The following MAFB variants were observed in gnomAD, a reference collection of about 807,000 sequenced individuals.
The protein encoded by MAFB is MAF bZIP transcription factor B.
MAFB carries 3 observed loss-of-function variants against 17.7 expected under a neutral mutation model. The observed-to-expected ratio is 0.17, with a 90% confidence interval of 0.08 to 0.44. MAFB has a LOEUF of 0.44. MAFB is among the 20% of genes least tolerant of loss of function. MAFB has a pLI of 0.99. For missense variants in MAFB, 355 were observed against 461.3 expected (o/e 0.77, Z 2.11); for synonymous variants, 214 against 211.5 (o/e 1.01, Z -0.10).
Position 40,688,934 on chromosome 20 carries a change from G to C in MAFB, c.-84C>G. 6.8e-7 allele frequency: 1 copy of C among 1,479,178 alleles called. No individual in the cohort carries two copies. The highest frequency in any genetic ancestry group is 8.9e-7 in the Non-Finnish European group (1 of 1,122,800). The allele number at this position is 1,479,178 out of a possible 1,614,324, so 91.6% of individuals were successfully genotyped here. On this transcript the variant is annotated 5_prime_UTR_variant, in exon 1 of 1. Coordinates refer to ENST00000373313, the MANE Select transcript of MAFB (RefSeq NM_005461.5). ...GCGCCGAGCCAAGCGCGGGGGGGAA[G>C]AGCGGAGAAGAGCTGGGGAGGCGGG... is the stretch of plus-strand genomic sequence containing the variant.
In MAFB at chr20:40,688,622, C is replaced by T. The variant is rs1268494486; in HGVS notation, c.229G>A (p.Glu77Lys). 1 of 1,613,958 alleles carries T rather than the reference C, an allele frequency of 6.2e-7. No individual in the cohort carries two copies. Among genetic ancestry groups the T allele is most frequent in the African/African-American group, 1.3e-5 (1 of 74,926 alleles). Residue 77 changes from glutamate (E) to lysine (K), a missense_variant, in exon 1 of 1, where the codon GAA becomes AAA. By Grantham distance (56) the Glu-to-Lys change is moderately conservative. This residue lies in a region of MAFB where 285 missense variants were observed against 350.0 expected (regional missense o/e 0.81). Coordinates refer to ENST00000373313, the MANE Select transcript of MAFB (RefSeq NM_005461.5). ...VPSSPSFSPT[E>K]QKTHLEDLYW... is the part of the protein sequence containing the mutation. ...AGATCCTCGAGGTGTGTCTTCTGTT[C>T]GGTCGGGCTGAAGCTGGGCGACGAG...
rs1986844558 is a variant in MAFB at position 40,686,999 on chromosome 20, CCAAA to C, written c.*876_*879del. 2 of 398,382 alleles carry C rather than the reference CCAAA, an allele frequency of 5.0e-6. No homozygotes were observed. Among genetic ancestry groups the C allele is most frequent in the East Asian group, 3.6e-5 (1 of 28,058 alleles). 24.7% of individuals were successfully genotyped at this position (398,382 alleles called of 1,614,324 possible). ...AAACAAAAATACCGTAATAATAAAC[CCAAA>C]CAAAGACCCTCAGCTTGCTGCCACG... On this transcript the variant is annotated 3_prime_UTR_variant, in exon 1 of 1. Coordinates refer to ENST00000373313, the MANE Select transcript of MAFB (RefSeq NM_005461.5).
chr20:40,688,665 A>C lies in MAFB; in HGVS notation c.186T>G (p.Thr62=). The C allele has an allele frequency of 6.2e-7, 1 of 1,613,800 alleles. No individual in the cohort carries two copies. Among genetic ancestry groups the C allele is most frequent in the Non-Finnish European group, 8.5e-7 (1 of 1,179,844 alleles). ...GCGACGAGGGCACGGAGCTACACGG[A>C]GTGCTGAGCGGTGTGGAGGACACCG... ...AGSVSSTPLS[T]PCSSVPSSPS... The change falls in exon 1 of 1, where the codon ACT becomes ACG. Residue 62 remains threonine, a synonymous_variant. Transcript: ENST00000373313.
rs1986833583 is a variant in MAFB at position 40,686,611 on chromosome 20, G to C, written c.*1268C>G. 1 of 397,868 alleles carries C rather than the reference G, an allele frequency of 2.5e-6. No homozygotes were observed. Among genetic ancestry groups the C allele is most frequent in the East Asian group, 3.6e-5 (1 of 28,078 alleles). 24.6% of individuals were successfully genotyped at this position (397,868 alleles called of 1,614,324 possible). ...AATTAGCGCAGGCCCAGAGGGTTCA[G>C]AAGGGACCTCAGGGTGATTCTGGTT... On this transcript the variant is annotated 3_prime_UTR_variant, in exon 1 of 1. Coordinates refer to ENST00000373313, the MANE Select transcript of MAFB (RefSeq NM_005461.5).
At position 40,686,761 on chromosome 20, in the gene MAFB, T is replaced by TCCCTG. The variant is rs541630703; in HGVS notation, c.*1113_*1117dup. On this transcript the variant is annotated 3_prime_UTR_variant, in exon 1 of 1. Coordinates refer to ENST00000373313, the MANE Select transcript of MAFB (RefSeq NM_005461.5). ...CTCTGGGGTGCGGAGCTTGGCAGCT[T>TCCCTG]CCCTGCCCTGCCCTGCCCTTGTACT... 27 of 398,616 alleles carry TCCCTG rather than the reference T, an allele frequency of 6.8e-5. No homozygotes were observed. The highest frequency in any genetic ancestry group is 2.5e-4 in the South Asian group (2 of 7,854). The allele number at this position is 398,616 out of a possible 1,614,324, so 24.7% of individuals were successfully genotyped here. A position where few individuals can be genotyped will look rare whatever the true frequency, so the allele number is the denominator to read the frequency against.
Position 40,688,035 on chromosome 20 carries a change from C to T in MAFB, c.816G>A (p.Gln272=), listed in dbSNP as rs1341823096. ...TAAGCTGCTCCACCTGCTGAATGAG[C>T]TGCGTCTTCTCATTCTCCAGGTGGT... ...QKHHLENEKT[Q]LIQQVEQLKQ... Residue 272 remains glutamine, a synonymous_variant, in exon 1 of 1, where the codon CAG becomes CAA. Transcript: ENST00000373313. 1.2e-6 allele frequency: 2 copies of T among 1,614,214 alleles called. No homozygotes were observed. Among genetic ancestry groups the T allele is most frequent in the South Asian group, 1.1e-5 (1 of 91,092 alleles).
rs1349779029 is a variant in MAFB, at chr20:40,687,755, GC to G, written c.*123del. 11 of 1,246,006 alleles carry G rather than the reference GC, an allele frequency of 8.8e-6. No homozygotes were observed. The African/African-American group carries it at 1.4e-4, about 15-fold the overall frequency. The allele number at this position is 1,246,006 out of a possible 1,614,324, so 77.2% of individuals were successfully genotyped here. ...GGCCCGCGCGCCCTTCCTCCCTCTC[GC>G]TCAAGTCAAACAGGTCAAGGCTGGG... On this transcript the variant is annotated 3_prime_UTR_variant, in exon 1 of 1. Coordinates refer to ENST00000373313, the MANE Select transcript of MAFB (RefSeq NM_005461.5).
chr20:40,689,119 C>G lies in MAFB; in HGVS notation c.-269G>C, dbSNP rs1986918651. ...GAGTCGGGCGGGGTGGAGAGGCAAG[C>G]GGAGCGCGCGGTGGGGCTGAGGGGA... On this transcript the variant is annotated 5_prime_UTR_variant, in exon 1 of 1. Coordinates refer to ENST00000373313, the MANE Select transcript of MAFB (RefSeq NM_005461.5). 2 of 431,688 alleles carry G rather than the reference C, an allele frequency of 4.6e-6. No homozygotes were observed. Among genetic ancestry groups the G allele is most frequent in the Non-Finnish European group, 8.0e-6 (2 of 249,140 alleles). 26.7% of individuals were successfully genotyped at this position (431,688 alleles called of 1,614,324 possible).
In MAFB at chr20:40,687,472, G is replaced by A. The variant is rs557687496; in HGVS notation, c.*407C>T. ...TTCCTCGTTGCTCTCTTCCTGGCGC[G>A]GACTACTCTCCGGGCAGCAAAGCAG... On this transcript the variant is annotated 3_prime_UTR_variant, in exon 1 of 1. Coordinates refer to ENST00000373313, the MANE Select transcript of MAFB (RefSeq NM_005461.5). 74 of 358,288 alleles carry A rather than the reference G, an allele frequency of 2.1e-4. No homozygotes were observed. The highest frequency in any genetic ancestry group is 3.4e-4 in the Non-Finnish European group (68 of 201,028). The allele number at this position is 358,288 out of a possible 1,614,324, so 22.2% of individuals were successfully genotyped here. A position where few individuals can be genotyped will look rare whatever the true frequency, so the allele number is the denominator to read the frequency against.
In MAFB at chr20:40,686,767, C is replaced by A; in HGVS notation, c.*1112G>T. The A allele has an allele frequency of 2.5e-6, 1 of 398,704 alleles. No individual in the cohort carries two copies. The highest frequency in any genetic ancestry group is 4.4e-6 in the Non-Finnish European group (1 of 226,106). The allele number at this position is 398,704 out of a possible 1,614,324, so 24.7% of individuals were successfully genotyped here. A position where few individuals can be genotyped will look rare whatever the true frequency, so the allele number is the denominator to read the frequency against. On this transcript the variant is annotated 3_prime_UTR_variant, in exon 1 of 1. Transcript: ENST00000373313. ...GGTGCGGAGCTTGGCAGCTTCCCTG[C>A]CCTGCCCTGCCCTTGTACTGGGACC...
At position 40,687,612 on chromosome 20, in the gene MAFB, C is replaced by T. The variant is rs1435922902; in HGVS notation, c.*267G>A. ...GCCTGGAGAGAAGTTACTCCGGGAC[C>T]TCCCACCCTCTCGTCTCTCTCTCCG... On this transcript the variant is annotated 3_prime_UTR_variant, in exon 1 of 1. Coordinates refer to ENST00000373313, the MANE Select transcript of MAFB (RefSeq NM_005461.5). 1.7e-6 allele frequency: 1 copy of T among 577,538 alleles called. No individual in the cohort carries two copies. Among genetic ancestry groups the T allele is most frequent in the Non-Finnish European group, 3.1e-6 (1 of 325,234 alleles). The allele number at this position is 577,538 out of a possible 1,614,324, so 35.8% of individuals were successfully genotyped here. A position where few individuals can be genotyped will look rare whatever the true frequency, so the allele number is the denominator to read the frequency against.
At position 40,688,226 on chromosome 20, in the gene MAFB, C is replaced by T; in HGVS notation, c.625G>A (p.Asp209Asn). The T allele has an allele frequency of 3.2e-6, 5 of 1,576,286 alleles. No individual in the cohort carries two copies. Among genetic ancestry groups the T allele is most frequent in the South Asian group, 1.1e-5 (1 of 88,180 alleles). ...ACGAGCTGGTCGTCGGAGAAGCGGT[C>T]CTCCACGCTGCCGTTGCCGCCCGCC... ...TAAGGNGSVE[D>N]RFSDDQLVSM... Residue 209 changes from aspartate to asparagine, a missense_variant, in exon 1 of 1, where the codon GAC becomes AAC. Transcript: ENST00000373313.
Position 40,688,949 on chromosome 20 carries a change from G to A in MAFB, c.-99C>T. On this transcript the variant is annotated 5_prime_UTR_variant, in exon 1 of 1. Transcript: ENST00000373313. The stretch of plus-strand genomic sequence containing the variant: ...CGGGGGGGAAGAGCGGAGAAGAGCT[G>A]GGGAGGCGGGGAGCGAGGGCGCAGC... The A allele has an allele frequency of 7.1e-7, 1 of 1,408,874 alleles. No individual in the cohort carries two copies. Among genetic ancestry groups the A allele is most frequent in the Non-Finnish European group, 9.2e-7 (1 of 1,084,798 alleles). 87.3% of individuals were successfully genotyped at this position (1,408,874 alleles called of 1,614,324 possible). A position where few individuals can be genotyped will look rare whatever the true frequency, so the allele number is the denominator to read the frequency against.
chr20:40,686,575 G>T lies in MAFB; in HGVS notation c.*1304C>A. 2.5e-6 allele frequency: 1 copy of T among 397,592 alleles called. No homozygotes were observed. Among genetic ancestry groups the T allele is most frequent in the East Asian group, 3.6e-5 (1 of 28,078 alleles). 24.6% of individuals were successfully genotyped at this position (397,592 alleles called of 1,614,324 possible). On this transcript the variant is annotated 3_prime_UTR_variant, in exon 1 of 1. Transcript: ENST00000373313. ...CTAAGCCTCTCACCCTAGGAGCGCTGTGGCTCCTACAATTAGCGCAGGCCC... is the reference window on the plus strand; with the variant it reads ...CTAAGCCTCTCACCCTAGGAGCGCTTTGGCTCCTACAATTAGCGCAGGCCC...
At position 40,687,849 on chromosome 20, in the gene MAFB, G is replaced by C. The variant is rs780982442; in HGVS notation, c.*30C>G. The C allele has an allele frequency of 1.9e-6, 3 of 1,598,940 alleles. No individual in the cohort carries two copies. The highest frequency in any genetic ancestry group is 2.5e-6 in the Non-Finnish European group (3 of 1,176,798). On this transcript the variant is annotated 3_prime_UTR_variant, in exon 1 of 1. Transcript: ENST00000373313. ...CGTGGGACAGGGAGTCCGGGCCGGG[G>C]CAAGGGCGGGGGCCAGGACCGGCCA... is the stretch of plus-strand genomic sequence containing the variant.
Position 40,688,539 on chromosome 20 carries a change from G to A in MAFB, c.312C>T (p.Pro104=), listed in dbSNP as rs1170959107. ...CGATGAGCGCTTCCACCGCGTCCTC[G>A]GGCGTCAGGTTGAGCGCCTCGGGGT... ...QMNPEALNLT[P]EDAVEALIGS... The change falls in exon 1 of 1, where the codon CCC becomes CCT. Residue 104 remains proline, a synonymous_variant. Coordinates refer to ENST00000373313, the MANE Select transcript of MAFB (RefSeq NM_005461.5). 1 of 1,613,968 alleles carries A rather than the reference G, an allele frequency of 6.2e-7. No homozygotes were observed. Among genetic ancestry groups the A allele is most frequent in the South Asian group, 1.1e-5 (1 of 91,090 alleles).
chr20:40,688,956 C>CG lies in MAFB; in HGVS notation c.-107dup, dbSNP rs1240986222. 2.9e-6 allele frequency: 4 copies of CG among 1,396,396 alleles called. No individual in the cohort carries two copies. In the African/African-American group the frequency reaches 6.0e-5, roughly 21 times the overall value. The allele number at this position is 1,396,396 out of a possible 1,614,324, so 86.5% of individuals were successfully genotyped here. A position where few individuals can be genotyped will look rare whatever the true frequency, so the allele number is the denominator to read the frequency against. On this transcript the variant is annotated 5_prime_UTR_variant, in exon 1 of 1. Coordinates refer to ENST00000373313, the MANE Select transcript of MAFB (RefSeq NM_005461.5). ...GAAGAGCGGAGAAGAGCTGGGGAGGCGGGGAGCGAGGGCGCAGCGGGCCGG... is the reference window on the plus strand; with the variant it reads ...GAAGAGCGGAGAAGAGCTGGGGAGGCGGGGGAGCGAGGGCGCAGCGGGCCGG...
In MAFB at chr20:40,687,953, T is replaced by G. The variant is rs1986871866; in HGVS notation, c.898A>C (p.Lys300Gln). The part of the protein sequence containing the change: ...ERDAYKVKCE[K>Q]LANSGFREAG... Reference sequence around the variant, plus strand: ...TCCCTGAAGCCGGAGTTGGCGAGTTTCTCGCACTTGACCTTGTAGGCGTCT... The same window carrying G: ...TCCCTGAAGCCGGAGTTGGCGAGTTGCTCGCACTTGACCTTGTAGGCGTCT... The change falls in exon 1 of 1, where the codon AAA becomes CAA. Residue 300 changes from lysine (K) to glutamine (Q), a missense_variant. Lys to Gln is a moderately conservative substitution (Grantham distance 53). Around this residue, in one of 3 missense-constraint regions of MAFB, gnomAD observed 63 missense variants for 69.4 expected, o/e 0.91. Coordinates refer to ENST00000373313, the MANE Select transcript of MAFB (RefSeq NM_005461.5). 1.2e-6 allele frequency: 2 copies of G among 1,613,932 alleles called. No individual in the cohort carries two copies. The highest frequency in any genetic ancestry group is 1.7e-6 in the Non-Finnish European group (2 of 1,180,038).
Position 40,688,004 on chromosome 20 carries a change from C to G in MAFB, c.847G>C (p.Glu283Gln), listed in dbSNP as rs768894136. 5.0e-6 allele frequency: 8 copies of G among 1,614,204 alleles called. No individual in the cohort carries two copies. The highest frequency in any genetic ancestry group is 5.9e-6 in the Non-Finnish European group (7 of 1,180,044). The change falls in exon 1 of 1, where the codon GAG becomes CAG. Residue 283 changes from glutamate (E) to glutamine (Q), a missense_variant. By Grantham distance (29) the Glu-to-Gln change is conservative. Coordinates refer to ENST00000373313, the MANE Select transcript of MAFB (RefSeq NM_005461.5). ...CTCTCGCGGGCCAGCCGGGACACCT[C>G]CTGCTTAAGCTGCTCCACCTGCTGA... is the stretch of plus-strand genomic sequence containing the variant. Reference protein sequence around the residue: ...LIQQVEQLKQEVSRLARERDA... With the variant: ...LIQQVEQLKQQVSRLARERDA...
Sources: gnomAD v4.1 joint callset for allele counts on GRCh38, gnomAD v4.1.1 for gene constraint, gnomAD v4.1.1 regional missense constraint, MANE v1.5 for transcripts, NCBI Gene and HGNC (gene_info 2026-07-23, HGNC 2026-07-21) for gene names.